PRKAG2: variants seen among roughly 807,000 people sequenced by gnomAD.
The protein encoded by PRKAG2 is protein kinase AMP-activated non-catalytic subunit gamma 2.
PRKAG2 carries 26 observed loss-of-function variants against 69.6 expected under a neutral mutation model. The ratio of observed to expected loss-of-function variants is 0.37; its 90% CI spans 0.27 to 0.52. The LOEUF (loss-of-function observed/expected upper bound fraction) is 0.52. PRKAG2 is among the 20% of genes least tolerant of loss of function. The pLI is 0.90. For missense variants in PRKAG2, 557 were observed against 740.0 expected, an observed-to-expected ratio of 0.75 and a Z score of 2.87; for synonymous variants, 293 against 285.0, an observed-to-expected ratio of 1.03 and a Z score of -0.28.
intron 3 of PRKAG2, among the ~76,000 whole-genome samples, chr7:151,715,187 T>A (rs73484140): frequency 0.4 from 59,219 of 149,128 alleles, 13,562 homozygotes; most frequent in East Asian, 0.82. Context: ...AACTAACTTT[T>A]GTATTTTTAG....
intron 15 of PRKAG2, chr7:151,557,700 T>TTGG: frequency 4.0e-6 from 2 of 502,018 alleles, no homozygotes; most frequent in Non-Finnish European, 5.1e-6. Context: ...TGAAACCCTG[T>TTGG]CTCTACTAAA....
intron 4 of PRKAG2, among the ~76,000 whole-genome samples, chr7:151,650,926 T>G (rs1293111225): frequency 6.6e-6 from 1 of 152,230 alleles, no homozygotes; most frequent in Non-Finnish European, 1.5e-5. Flanking sequence ...GGAAAACATG[T>G]GCAATTGAGC....
chr7:151,655,276 G>T (rs561834628), intron 4 of PRKAG2, among the ~76,000 whole-genome samples: 2 of 152,282 alleles, frequency 1.3e-5, no homozygotes, highest in Admixed American at 1.3e-4. Flanking sequence ...GTGCGGCATT[G>T]CTTTTTCCAT....
intron 3 of PRKAG2, among the ~76,000 whole-genome samples, chr7:151,712,025 G>A (rs1218582368): frequency 6.6e-6 from 1 of 152,216 alleles, no homozygotes; most frequent in Non-Finnish European, 1.5e-5. Context: ...GGTGATGGAG[G>A]AGGTGTACAG....
intron 3 of PRKAG2, among the ~76,000 whole-genome samples, chr7:151,730,234 C>G (rs1798714749): frequency 6.6e-6 from 1 of 152,262 alleles, no homozygotes; most frequent in African/African-American, 2.4e-5. Flanking sequence ...GCATGCATCT[C>G]TCACTCACTG....
intron 5 of PRKAG2, among the ~76,000 whole-genome samples, chr7:151,626,646 A>G (rs1405550851): frequency 6.6e-6 from 1 of 152,158 alleles, no homozygotes; most frequent in Non-Finnish European, 1.5e-5. Context: ...AGTAGAGTCA[A>G]GAAACCTGCA....
chr7:151,795,844 CTCATAT>C (rs2077476834), intron 1 of PRKAG2, among the ~76,000 whole-genome samples: 1 of 69,408 alleles, frequency 1.4e-5, no homozygotes, highest in Non-Finnish European at 2.6e-5. Context: ...TCAAACAAAT[CTCATAT>C]ATATATATAT....
intron 1 of PRKAG2, among the ~76,000 whole-genome samples, chr7:151,857,165 G>C (rs1218914404): frequency 6.7e-6 from 1 of 148,454 alleles, no homozygotes; most frequent in Non-Finnish European, 1.5e-5. Flanking sequence ...GGAGTATAAG[G>C]GATGGGCACA....
chr7:151,707,959 G>A (rs530255381), intron 3 of PRKAG2, among the ~76,000 whole-genome samples: 333 of 152,334 alleles, frequency 2.2e-3, no homozygotes, highest in African/African-American at 7.6e-3. Context: ...CAACCCAGAC[G>A]GGGCAGGGGA....
Position 151,832,697 on chromosome 7 carries a change from G to A in PRKAG2, c.114+43810C>T, listed in dbSNP as rs567123224. Among the ~76,000 whole-genome samples the A allele has an allele frequency of 6.1e-4, 92 of 151,946 alleles. No homozygotes were observed. In the South Asian group the frequency reaches 0.011, roughly 18 times the overall value. The stretch of plus-strand genomic sequence containing the variant: ...GATCCATGTCCACTCCTGAGGGGCC[G>A]CTCTCGGGTACTCTCCAGGTGCTAC... On this transcript the variant is annotated intron_variant, in intron 1 of 15. Coordinates refer to ENST00000287878, the MANE Select transcript of PRKAG2 (RefSeq NM_016203.4).
intron 3 of PRKAG2, among the ~76,000 whole-genome samples, chr7:151,722,947 G>A (rs1027232572): frequency 5.3e-5 from 8 of 152,006 alleles, no homozygotes; most frequent in African/African-American, 1.9e-4. Context: ...TCTTTTCTTA[G>A]GTCTCTGCCT....
intron 1 of PRKAG2, among the ~76,000 whole-genome samples, chr7:151,795,177 G>A (rs1014208958): frequency 1.3e-5 from 2 of 152,226 alleles, no homozygotes; most frequent in African/African-American, 2.4e-5. Context: ...AGAGTGGGGG[G>A]CAGGGGCAGC....
chr7:151,636,052 C>T (rs994165171), intron 4 of PRKAG2, among the ~76,000 whole-genome samples: 19 of 151,122 alleles, frequency 1.3e-4, no homozygotes, highest in African/African-American at 4.6e-4. Flanking sequence ...TGGGTTTCAC[C>T]GTGTTAGCCA....
At chr7:151,793,964 T>C (rs999088074) in intron 1 of PRKAG2, among the ~76,000 whole-genome samples, 4 of 152,340 alleles carry the variant, frequency 2.6e-5, no homozygotes, top group African/African-American at 9.6e-5. Flanking sequence ...AGCCATTTAC[T>C]TTCCACAGAG....
intron 4 of PRKAG2, among the ~76,000 whole-genome samples, chr7:151,636,507 C>T (rs1825760155): frequency 6.6e-6 from 1 of 152,164 alleles, no homozygotes; most frequent in Non-Finnish European, 1.5e-5. Flanking sequence ...CTGAACGATA[C>T]TCTGTTGTGT....
Position 151,699,474 on chromosome 7 carries a change from C to A in PRKAG2, c.467-23837G>T, listed in dbSNP as rs1837299898. Among the ~76,000 whole-genome samples, 2 of 152,176 alleles carry A rather than the reference C, an allele frequency of 1.3e-5. No individual in the cohort carries two copies. The highest frequency in any genetic ancestry group is 2.9e-5 in the Non-Finnish European group (2 of 68,026). ...CATCTCGGCGACTTTATCATGAAGG[C>A]CAGCACAGGAGGCCCCTCCTTCCTG... On this transcript the variant is annotated intron_variant, in intron 3 of 15. Coordinates refer to ENST00000287878, the MANE Select transcript of PRKAG2 (RefSeq NM_016203.4). The surrounding 1 kb of genome is among the most constrained non-coding windows in gnomAD (Gnocchi z 4.5).
At chr7:151,860,759 C>G (rs2079899089) in intron 1 of PRKAG2, among the ~76,000 whole-genome samples, 1 of 152,140 alleles carries the variant, frequency 6.6e-6, no homozygotes, top group Non-Finnish European at 1.5e-5. Flanking sequence ...CCCAAGGATG[C>G]CTGCTGTGCC....
In PRKAG2 at chr7:151,814,267, T is replaced by G; in HGVS notation, c.115-27726A>C. The G allele has an allele frequency of 2.4e-6, 1 of 410,124 alleles. No individual in the cohort carries two copies. The highest frequency in any genetic ancestry group is 3.5e-6 in the Non-Finnish European group (1 of 284,954). 25.4% of individuals were successfully genotyped at this position (410,124 alleles called of 1,614,324 possible). A position where few individuals can be genotyped will look rare whatever the true frequency, so the allele number is the denominator to read the frequency against. ...TTTTGCTCAGCCTTGGGGTATCTGA[T>G]TTAATAAGAGGCTCTTGGAGAACAA... On this transcript the variant is annotated intron_variant, in intron 1 of 15. Coordinates refer to ENST00000287878, the MANE Select transcript of PRKAG2 (RefSeq NM_016203.4). The surrounding 1 kb of genome is among the most constrained non-coding windows in gnomAD (Gnocchi z 4.8).
At chr7:151,572,586 G>A in intron 9 of PRKAG2, 78 bp downstream of exon 9, 1 of 1,077,870 alleles carries the variant, frequency 9.3e-7, no homozygotes. Context: ...AAAAGGATCT[G>A]CAAAATGAAA....
Sources: gnomAD v4.1 joint callset for allele counts (sites outside exome capture counted in the v4.1 genomes callset) on GRCh38, gnomAD v4.1.1 for gene constraint, Gnocchi (gnomAD v3.1) non-coding constraint, MANE v1.5 for transcripts, NCBI Gene and HGNC (gene_info 2026-07-23, HGNC 2026-07-21) for gene names.